The following CNTN4 variants were observed in gnomAD, a reference collection of about 807,000 sequenced individuals.
The protein encoded by CNTN4 is contactin-4.
A neutral mutation model predicts 122.5 loss-of-function variants in CNTN4; 77 were observed. That is an observed-to-expected ratio of 0.63 (90% confidence interval 0.52 to 0.76). CNTN4 has a LOEUF of 0.76. Among genes scored for constraint, CNTN4 ranks in the 30% least tolerant of loss-of-function variants. The pLI, the probability that CNTN4 is intolerant of heterozygous loss-of-function variation, is 0.00. For synonymous variants in CNTN4, 512 were observed against 447.0 expected (o/e 1.15, Z -1.83); for missense variants, 1,256 against 1,259.1 (o/e 1.00, Z 0.04).
chr3:2,258,966 C>T (rs2040712655), intron 2 of CNTN4, among the ~76,000 whole-genome samples: 1 of 152,032 alleles, frequency 6.6e-6, no homozygotes, highest in Non-Finnish European at 1.5e-5. Context: ...TTTATTATTT[C>T]ATTTGTTTCT....
chr3:2,813,733 T>C (rs1255819718), intron 6 of CNTN4, among the ~76,000 whole-genome samples: 1 of 152,194 alleles, frequency 6.6e-6, no homozygotes, highest in African/African-American at 2.4e-5. Flanking sequence ...CTTGATTTTA[T>C]ATCCTCTAGA....
intron 2 of CNTN4, among the ~76,000 whole-genome samples, chr3:2,318,431 T>C (rs2043182033): frequency 6.6e-6 from 1 of 152,136 alleles, no homozygotes; most frequent in Non-Finnish European, 1.5e-5. Context: ...GTGTTCTTTT[T>C]GACACATCAG....
chr3:2,685,319 C>G (rs957359075), intron 4 of CNTN4, among the ~76,000 whole-genome samples: 1 of 152,122 alleles, frequency 6.6e-6, no homozygotes, highest in Non-Finnish European at 1.5e-5. Flanking sequence ...AATCCACTTT[C>G]TATTACCTTC....
At chr3:2,960,826 C>T (rs1238706340) in intron 13 of CNTN4, among the ~76,000 whole-genome samples, 3 of 152,118 alleles carry the variant, frequency 2.0e-5, no homozygotes, top group African/African-American at 7.2e-5. Context: ...CTTGCTTTGG[C>T]CAATGAAATG....
chr3:2,488,627 A>G (rs2076230167), intron 3 of CNTN4, among the ~76,000 whole-genome samples: 1 of 152,294 alleles, frequency 6.6e-6, no homozygotes, highest in African/African-American at 2.4e-5. Context: ...ATTCATCTCA[A>G]TGTTTAATAT....
intron 23 of CNTN4, among the ~76,000 whole-genome samples, chr3:3,051,416 C>G (rs1005865288): frequency 2.6e-5 from 4 of 152,298 alleles, no homozygotes; most frequent in Admixed American, 6.5e-5. Context: ...GATAAAAGTG[C>G]TGCTTTTTCC....
chr3:2,383,223 G>T (rs1331341992), intron 3 of CNTN4, among the ~76,000 whole-genome samples: 1 of 152,070 alleles, frequency 6.6e-6, no homozygotes, highest in Non-Finnish European at 1.5e-5. Flanking sequence ...ACAGAATAAT[G>T]ATAATCTTAT....
intron 2 of CNTN4, among the ~76,000 whole-genome samples, chr3:2,143,753 ATGT>A (rs2035117649): frequency 6.6e-6 from 1 of 152,202 alleles, no homozygotes; most frequent in African/African-American, 2.4e-5. Flanking sequence ...GCCCAGGATT[ATGT>A]TGTTACAAGT....
chr3:2,495,771 C>T (rs749397200), intron 3 of CNTN4, among the ~76,000 whole-genome samples: 2 of 152,144 alleles, frequency 1.3e-5, no homozygotes, highest in African/African-American at 2.4e-5. Context: ...TTGCCTGGTC[C>T]GTGGAAAAAT....
chr3:2,442,715 G>A (rs2048484116), intron 3 of CNTN4, among the ~76,000 whole-genome samples: 1 of 151,992 alleles, frequency 6.6e-6, no homozygotes, highest in African/African-American at 2.4e-5. Flanking sequence ...TAAGCTACTT[G>A]GGTAGTTTAA....
Position 2,897,439 on chromosome 3 carries a change from C to CAAA in CNTN4, c.941-3237_941-3235dup, listed in dbSNP as rs34051316. 6.1e-5 allele frequency among the ~76,000 whole-genome samples: 9 copies of CAAA among 148,260 alleles called. No homozygotes were observed. The East Asian group carries it at 9.8e-4, about 16-fold the overall frequency. ...TAATATGTGGGCTCTGTATATATTA[C>CAAA]AAAAAAAAAAAGACATTTAGAAATG... On this transcript the variant is annotated intron_variant, in intron 10 of 24. Coordinates refer to ENST00000418658, the MANE Select transcript of CNTN4 (RefSeq NM_175607.3).
At chr3:2,525,020 C>G (rs2077351147) in intron 3 of CNTN4, among the ~76,000 whole-genome samples, 2 of 152,058 alleles carry the variant, frequency 1.3e-5, no homozygotes, top group South Asian at 2.1e-4. Flanking sequence ...CCTGAAAGTG[C>G]CAATTAAGAT....
At chr3:2,673,370 A>T (rs1576416311) in intron 4 of CNTN4, among the ~76,000 whole-genome samples, 1 of 152,206 alleles carries the variant, frequency 6.6e-6, no homozygotes, top group Admixed American at 6.5e-5. Context: ...GCAAAATATA[A>T]CCCTGAATTC....
intron 3 of CNTN4, among the ~76,000 whole-genome samples, chr3:2,487,198 A>G (rs1165983193): frequency 6.6e-6 from 1 of 152,226 alleles, no homozygotes; most frequent in Non-Finnish European, 1.5e-5. Context: ...TTACTAATGT[A>G]AAAATAATTT....
chr3:2,425,678 C>T (rs1419296160), intron 3 of CNTN4, among the ~76,000 whole-genome samples: 12 of 152,226 alleles, frequency 7.9e-5, no homozygotes, highest in South Asian at 6.2e-4. Flanking sequence ...GCCATTTTCA[C>T]GATATTGACT....
chr3:3,040,733 G>C (rs112860463), intron 20 of CNTN4, among the ~76,000 whole-genome samples: 2 of 152,254 alleles, frequency 1.3e-5, no homozygotes, highest in African/African-American at 4.8e-5. Flanking sequence ...TTCGGGACCA[G>C]CCTGACCAAT....
rs2085221769 is a variant in CNTN4, at chr3:2,682,620, TATA to T, written c.56-53594_56-53592del. On this transcript the variant is annotated intron_variant, in intron 4 of 24. Coordinates refer to ENST00000418658, the MANE Select transcript of CNTN4 (RefSeq NM_175607.3). ...ATACAGAAGCAAAGTGTATAAAGTA[TATA>T]TAGAAAATGGAGAGTAGCTCCATTT... Among the ~76,000 whole-genome samples the T allele has an allele frequency of 6.6e-5, 10 of 152,224 alleles. No individual in the cohort carries two copies. The South Asian group carries it at 2.1e-3, about 32-fold the overall frequency.
intron 6 of CNTN4, among the ~76,000 whole-genome samples, chr3:2,762,036 C>T (rs1043126910): frequency 2.6e-5 from 4 of 152,080 alleles, no homozygotes; most frequent in Non-Finnish European, 1.5e-5. Context: ...GGGAATGCAT[C>T]AATGAACTAG....
At chr3:2,969,516 G>GATTATTATTATGATT (rs1553710712) in intron 13 of CNTN4, among the ~76,000 whole-genome samples, 4 of 121,464 alleles carry the variant, frequency 3.3e-5, no homozygotes, top group South Asian at 4.3e-4. Flanking sequence ...GGAAAATTGG[G>GATTATTATTATGATT]ATTATTATTA....
Sources: allele counts gnomAD v4.1 joint callset (sites outside exome capture counted in the v4.1 genomes callset), GRCh38; gene constraint gnomAD v4.1.1; transcripts MANE v1.5; gene names NCBI Gene and HGNC (gene_info 2026-07-23, HGNC 2026-07-21).